Variants in KIAA1549L observed in about 807,000 individuals in gnomAD.
The protein encoded by KIAA1549L is KIAA1549 like, also known as UPF0606 protein KIAA1549L.
In KIAA1549L, 88 loss-of-function variants were observed where a neutral mutation model predicts 160.7. That is an observed-to-expected ratio of 0.55 (90% CI 0.46 to 0.65). KIAA1549L has a LOEUF of 0.65. KIAA1549L is among the 30% of genes least tolerant of loss of function. The pLI, the probability that KIAA1549L is intolerant of heterozygous loss-of-function variation, is 0.00. For missense variants in KIAA1549L, 2,258 were observed against 2,437.5 expected (o/e 0.93, Z 1.55); for synonymous variants, 950 against 976.7 (o/e 0.97, Z 0.51).
At position 33,598,923 on chromosome 11, in the gene KIAA1549L, A is replaced by C. The variant is rs1185871498; in HGVS notation, c.4855A>C (p.Lys1619Gln). Residue 1619 changes from lysine (K) to glutamine (Q), a missense_variant, in exon 13 of 21, where the codon AAG becomes CAG. Physicochemically the swap from Lys to Gln is moderately conservative, Grantham distance 53. Around this residue, in one of 6 missense-constraint regions of KIAA1549L, gnomAD observed 1,359 missense variants for 1,546.6 expected, o/e 0.88. Transcript: ENST00000658780. Reference sequence around the variant, plus strand: ...TGTAATGGCACAGCAGAAAGTGACAAAGGAGGAGGCAAGGAAGAGAAATGG... The same window carrying C: ...TGTAATGGCACAGCAGAAAGTGACACAGGAGGAGGCAAGGAAGAGAAATGG... ...QNVMAQQKVT[K>Q]EEARKRNVPA... 3.7e-6 allele frequency: 6 copies of C among 1,613,526 alleles called. No homozygotes were observed. Among genetic ancestry groups the C allele is most frequent in the Non-Finnish European group, 5.1e-6 (6 of 1,179,740 alleles).
chr11:33,436,457 A>G (rs550123029), intron 1 of KIAA1549L, among the ~76,000 whole-genome samples: 4 of 152,174 alleles, frequency 2.6e-5, no homozygotes, highest in Non-Finnish European at 5.9e-5. Flanking sequence ...GACCCTCAAT[A>G]GATTGGATGA....
At chr11:33,445,864 A>G (rs1308113996) in intron 1 of KIAA1549L, among the ~76,000 whole-genome samples, 1 of 152,238 alleles carries the variant, frequency 6.6e-6, no homozygotes, top group East Asian at 1.9e-4. Context: ...TGGGGACACA[A>G]CAGGAAGACA....
intron 1 of KIAA1549L, among the ~76,000 whole-genome samples, chr11:33,522,647 G>A (rs1853522733): frequency 1.3e-5 from 2 of 152,166 alleles, no homozygotes; most frequent in South Asian, 4.1e-4. Flanking sequence ...TGTAATCCCA[G>A]CACTTTGGGA....
intron 8 of KIAA1549L, among the ~76,000 whole-genome samples, chr11:33,564,065 C>G (rs1854966615): frequency 1.3e-5 from 2 of 152,106 alleles, no homozygotes; most frequent in South Asian, 4.1e-4. Context: ...TGTTGGTGTT[C>G]AGAATAAACA....
rs1319585370 is a variant in KIAA1549L at position 33,545,265 on chromosome 11, G to T, written c.3272G>T (p.Arg1091Leu). 6.2e-7 allele frequency: 1 copy of T among 1,614,006 alleles called. No homozygotes were observed. Among genetic ancestry groups the T allele is most frequent in the South Asian group, 1.1e-5 (1 of 91,078 alleles). ...AAGGCCACCCGGTTGCCACCATTGC[G>T]AGCAGAAAACACAGATGCTGTCCTT... is the stretch of plus-strand genomic sequence containing the variant. ...SVKATRLPPL[R>L]AENTDAVLPA... Residue 1091 changes from arginine (R) to leucine (L), a missense_variant, in exon 3 of 21, where the codon CGA (arginine) becomes CTA (leucine). Arg to Leu is a moderately radical substitution (Grantham distance 102). Transcript: ENST00000658780.
chr11:33,618,945 T>G (rs1850892622), intron 16 of KIAA1549L, among the ~76,000 whole-genome samples: 1 of 152,222 alleles, frequency 6.6e-6, no homozygotes, highest in South Asian at 2.1e-4. Flanking sequence ...GCCCTTAATT[T>G]ATTTTCCCCT....
At chr11:33,499,940 A>C (rs1852907429) in intron 1 of KIAA1549L, among the ~76,000 whole-genome samples, 1 of 151,992 alleles carries the variant, frequency 6.6e-6, no homozygotes, top group Non-Finnish European at 1.5e-5. Context: ...GGCTCTCTGG[A>C]GTTTGGCTCT....
rs192792115 is a variant in KIAA1549L at position 33,513,768 on chromosome 11, G to A, written c.239-28034G>A. Among the ~76,000 whole-genome samples, 3 of 152,326 alleles carry A rather than the reference G, an allele frequency of 2.0e-5. No individual in the cohort carries two copies. The East Asian group carries it at 5.8e-4, about 29-fold the overall frequency. ...TTCACTCTTGGGCCAGTTGGCCACA[G>A]GGGGTGGTAGCAAATGAACTTCATG... On this transcript the variant is annotated intron_variant, in intron 1 of 20. Coordinates refer to ENST00000658780, the MANE Select transcript of KIAA1549L (RefSeq NM_012194.3).
At chr11:33,566,168 T>C in intron 8 of KIAA1549L, among the ~76,000 whole-genome samples, 1 of 152,116 alleles carries the variant, frequency 6.6e-6, no homozygotes, top group East Asian at 1.9e-4. Context: ...CCTGGAGGCT[T>C]TTGACTATTC....
intron 1 of KIAA1549L, among the ~76,000 whole-genome samples, chr11:33,425,732 T>C (rs1341543159): frequency 6.6e-6 from 1 of 152,200 alleles, no homozygotes; most frequent in Non-Finnish European, 1.5e-5. Flanking sequence ...GTCATATGGA[T>C]GGAGAAACCC....
intron 16 of KIAA1549L, among the ~76,000 whole-genome samples, chr11:33,645,325 C>T (rs1851686530): frequency 6.6e-6 from 1 of 152,036 alleles, no homozygotes; most frequent in Admixed American, 6.5e-5. Context: ...CAAGACATTC[C>T]AGGGTCTTAT....
intron 1 of KIAA1549L, among the ~76,000 whole-genome samples, chr11:33,456,601 A>G (rs140216319): frequency 1.5e-3 from 226 of 152,202 alleles, no homozygotes; most frequent in African/African-American, 4.7e-3. Flanking sequence ...TTGTAGAGAC[A>G]GGGTTTCACC....
chr11:33,414,921 A>T (rs151319529), intron 1 of KIAA1549L, among the ~76,000 whole-genome samples: 1 of 152,078 alleles, frequency 6.6e-6, no homozygotes, highest in Non-Finnish European at 1.5e-5. Flanking sequence ...GGACCTCTTT[A>T]TAGAGCCATA....
At chr11:33,600,884 C>A (rs1036499167) in intron 13 of KIAA1549L, among the ~76,000 whole-genome samples, 2 of 152,060 alleles carry the variant, frequency 1.3e-5, no homozygotes, top group Non-Finnish European at 2.9e-5. Flanking sequence ...TTTCCCCTTC[C>A]CTGCAAATAA....
intron 14 of KIAA1549L, 92 bp downstream of exon 14, chr11:33,606,914 T>C (rs867814049): frequency 2.7e-6 from 3 of 1,119,428 alleles, no homozygotes; most frequent in African/African-American, 3.1e-5. Context: ...TGGGTGCAGA[T>C]TGCACCTAGG....
At position 33,668,033 on chromosome 11, in the gene KIAA1549L, A is replaced by C; in HGVS notation, c.6320A>C (p.Glu2107Ala). 6.2e-7 allele frequency: 1 copy of C among 1,614,042 alleles called. No individual in the cohort carries two copies. The highest frequency in any genetic ancestry group is 1.6e-4 in the Middle Eastern group (1 of 6,062). The change falls in exon 21 of 21, where the codon GAA (glutamate) becomes GCA (alanine). Residue 2107 changes from glutamate to alanine, a missense_variant. Coordinates refer to ENST00000658780, the MANE Select transcript of KIAA1549L (RefSeq NM_012194.3). ...GCGGCCTCGCAGCAGAGCCTGGCAG[A>C]AAACGACCCGTCTGACGCTCCCCTG... ...STAASQQSLA[E>A]NDPSDAPLTN...
At chr11:33,617,658 A>G (rs759755398) in intron 15 of KIAA1549L, among the ~76,000 whole-genome samples, 1 of 152,244 alleles carries the variant, frequency 6.6e-6, no homozygotes, top group Non-Finnish European at 1.5e-5. Context: ...CATGTTAATT[A>G]TCTGTCTCTC....
chr11:33,651,566 C>G (rs1564942060), intron 17 of KIAA1549L, among the ~76,000 whole-genome samples: 1 of 152,126 alleles, frequency 6.6e-6, no homozygotes, highest in East Asian at 1.9e-4. Context: ...ACGATTACTG[C>G]TGAGCATCCC....
chr11:33,542,694 G>T lies in KIAA1549L; in HGVS notation c.1131G>T (p.Leu377Phe). ...ATGGAAGCCCCTCATGGTCAATGTT[G>T]GAAGTGGCTTCAGGTCCTGCATCCA... ...LPDGSPSWSMLEVASGPASTQ... is the reference protein window; with the variant it reads ...LPDGSPSWSMFEVASGPASTQ... Residue 377 changes from leucine to phenylalanine, a missense_variant, in exon 2 of 21, where the codon TTG becomes TTT. Coordinates refer to ENST00000658780, the MANE Select transcript of KIAA1549L (RefSeq NM_012194.3). The T allele has an allele frequency of 6.2e-7, 1 of 1,613,950 alleles. No homozygotes were observed. Among genetic ancestry groups the T allele is most frequent in the Middle Eastern group, 1.6e-4 (1 of 6,062 alleles).
Sources: allele counts gnomAD v4.1 joint callset (sites outside exome capture counted in the v4.1 genomes callset), GRCh38; gene constraint gnomAD v4.1.1; regional missense constraint gnomAD v4.1.1; transcripts MANE v1.5; gene names NCBI Gene and HGNC (gene_info 2026-07-23, HGNC 2026-07-21).